IRAG1: variants seen among roughly 807,000 people sequenced by gnomAD.
The protein encoded by IRAG1 is IP3R-associated cGMP kinase substrate.
Under a neutral mutation model 106.2 loss-of-function variants are expected in IRAG1, and 62 were observed. That is an observed-to-expected ratio of 0.58 (90% confidence interval 0.48 to 0.72). IRAG1 has a LOEUF of 0.72. Among genes scored for constraint, IRAG1 ranks in the 30% least tolerant of loss-of-function variants. The pLI is 0.00. For missense variants in IRAG1, 1,064 were observed against 1,140.7 expected, an observed-to-expected ratio of 0.93 and a Z score of 0.97; for synonymous variants, 462 against 443.9, an observed-to-expected ratio of 1.04 and a Z score of -0.51.
intron 10 of IRAG1, among the ~76,000 whole-genome samples, chr11:10,620,687 G>A (rs533546086): frequency 2.6e-5 from 4 of 152,222 alleles, no homozygotes; most frequent in East Asian, 1.9e-4. Context: ...ACACCAGCAC[G>A]GGTAATGCGT....
chr11:10,598,721 C>T (rs748749267), intron 15 of IRAG1, among the ~76,000 whole-genome samples: 3 of 151,990 alleles, frequency 2.0e-5, no homozygotes, highest in Non-Finnish European at 4.4e-5. Context: ...GCTTTAAGAG[C>T]CTTAAAAAAT....
At chr11:10,646,641 A>G (rs116100171) in intron 2 of IRAG1, among the ~76,000 whole-genome samples, 2,577 of 151,460 alleles carry the variant, frequency 0.017, 74 homozygotes, top group African/African-American at 0.059. Flanking sequence ...AAGTTACGGG[A>G]GGGGAGGGGT....
At chr11:10,617,547 T>C (rs920199012) in intron 10 of IRAG1, among the ~76,000 whole-genome samples, 8 of 152,226 alleles carry the variant, frequency 5.3e-5, no homozygotes, top group African/African-American at 1.9e-4. Flanking sequence ...GAAGCTCAGC[T>C]GAGTTAAAGT....
intron 1 of IRAG1, among the ~76,000 whole-genome samples, chr11:10,680,394 A>AAGGG (rs1861108222): frequency 1.4e-5 from 1 of 69,932 alleles, no homozygotes; most frequent in African/African-American, 8.6e-5. Context: ...GGAAGGAAGG[A>AAGGG]AGGAAGGAAG....
intron 1 of IRAG1, among the ~76,000 whole-genome samples, chr11:10,664,205 A>G (rs1859615368): frequency 6.6e-6 from 1 of 152,158 alleles, no homozygotes; most frequent in Non-Finnish European, 1.5e-5. Context: ...TGGGGTAGAC[A>G]GGAAGCAGCT....
At chr11:10,686,919 C>G (rs902863239) in intron 1 of IRAG1, among the ~76,000 whole-genome samples, 4 of 152,102 alleles carry the variant, frequency 2.6e-5, no homozygotes, top group African/African-American at 9.7e-5. Context: ...AAGAAGTAAC[C>G]CAGAAGAAAG....
chr11:10,636,935 T>C (rs1402715775), intron 2 of IRAG1, among the ~76,000 whole-genome samples: 1 of 152,134 alleles, frequency 6.6e-6, no homozygotes, highest in Non-Finnish European at 1.5e-5. Context: ...CTATGACATG[T>C]GAGATAGGAG....
intron 10 of IRAG1, among the ~76,000 whole-genome samples, chr11:10,613,225 C>T (rs1022972621): frequency 1.1e-4 from 17 of 149,440 alleles, no homozygotes; most frequent in Non-Finnish European, 2.1e-4. Context: ...GTTGACAGAC[C>T]GCATCATGTT....
At chr11:10,590,135 G>T (rs771640536) in intron 18 of IRAG1, among the ~76,000 whole-genome samples, 2 of 152,160 alleles carry the variant, frequency 1.3e-5, no homozygotes, top group African/African-American at 2.4e-5. Context: ...AGAGCATGAG[G>T]TGACCATTTC....
intron 1 of IRAG1, among the ~76,000 whole-genome samples, chr11:10,683,006 T>C (rs927336894): frequency 1.3e-5 from 2 of 152,176 alleles, no homozygotes; most frequent in Admixed American, 6.5e-5. Context: ...GTAGAGTATG[T>C]CATCCAGGGA....
At chr11:10,614,366 T>A (rs576301505) in intron 10 of IRAG1, among the ~76,000 whole-genome samples, 1 of 152,168 alleles carries the variant, frequency 6.6e-6, no homozygotes, top group African/African-American at 2.4e-5. Flanking sequence ...GCAAAAAAAC[T>A]ACCTCATAAT....
rs1223116878 is a variant in IRAG1 at position 10,693,642 on chromosome 11, G to A, written c.-40C>T. On this transcript the variant is annotated 5_prime_UTR_variant, in exon 1 of 21. Transcript: ENST00000423302. ...ACATCTGGCTCCGGAGCTCAGAGCC[G>A]AGAAGCCTCTGGCTGCAGAACCTCG... 5 of 1,533,012 alleles carry A rather than the reference G, an allele frequency of 3.3e-6. No homozygotes were observed. In the African/African-American group the frequency reaches 4.1e-5, roughly 13 times the overall value. 95.0% of individuals were successfully genotyped at this position (1,533,012 alleles called of 1,614,324 possible).
At chr11:10,685,839 G>T (rs908780284) in intron 1 of IRAG1, among the ~76,000 whole-genome samples, 1 of 152,128 alleles carries the variant, frequency 6.6e-6, no homozygotes, top group Non-Finnish European at 1.5e-5. Flanking sequence ...CAGGCTTAGG[G>T]ATAGGTCCAG....
Position 10,604,399 on chromosome 11 carries a change from A to C in IRAG1, c.1743+6T>G, listed in dbSNP as rs1461619467. On this transcript the variant is annotated splice_donor_region_variant and intron_variant, in intron 13 of 20. Coordinates refer to ENST00000423302, the MANE Select transcript of IRAG1 (RefSeq NM_130385.4). ...AGGGATTCCTCACATCAGGCTCCAC[A>C]ATTACCGTAATGGAAGCTTTGAAGT... 6.2e-7 allele frequency: 1 copy of C among 1,613,786 alleles called. No homozygotes were observed. The highest frequency in any genetic ancestry group is 8.5e-7 in the Non-Finnish European group (1 of 1,179,852).
chr11:10,644,881 G>A (rs1173844204), intron 2 of IRAG1, among the ~76,000 whole-genome samples: 2 of 152,134 alleles, frequency 1.3e-5, no homozygotes, highest in African/African-American at 4.8e-5. Flanking sequence ...GTGAGGACAG[G>A]GCTTGAACAG....
intron 10 of IRAG1, 86 bp downstream of exon 10, chr11:10,623,692 G>T: frequency 1.6e-6 from 2 of 1,225,014 alleles, no homozygotes; most frequent in Non-Finnish European, 1.2e-6. Context: ...GACACAGGAA[G>T]TCTTGTGTTT....
intron 1 of IRAG1, among the ~76,000 whole-genome samples, chr11:10,680,564 G>A (rs1234312817): frequency 6.6e-6 from 1 of 150,620 alleles, no homozygotes; most frequent in Non-Finnish European, 1.5e-5. Context: ...GAAGGGGAAG[G>A]GGAAGGGAAA....
At chr11:10,637,359 A>C (rs1857218060) in intron 2 of IRAG1, among the ~76,000 whole-genome samples, 1 of 152,114 alleles carries the variant, frequency 6.6e-6, no homozygotes, top group Non-Finnish European at 1.5e-5. Context: ...CCCTCTGAGG[A>C]CACAGATACC....
At chr11:10,600,760 G>T (rs949060726) in intron 15 of IRAG1, among the ~76,000 whole-genome samples, 158 bp downstream of exon 15, 1 of 152,242 alleles carries the variant, frequency 6.6e-6, no homozygotes, top group Non-Finnish European at 1.5e-5. Context: ...CAGGCCCACT[G>T]AAGCAGCTGC....
Sources: gnomAD v4.1 joint callset for allele counts (sites outside exome capture counted in the v4.1 genomes callset) on GRCh38, gnomAD v4.1.1 for gene constraint, MANE v1.5 for transcripts, NCBI Gene and HGNC (gene_info 2026-07-23, HGNC 2026-07-21) for gene names.